Variants in MBNL2 observed in about 807,000 individuals in gnomAD.
The protein encoded by MBNL2 is muscleblind-like protein 2.
MBNL2 carries 17 observed loss-of-function variants against 41.9 expected under a neutral mutation model. The ratio of observed to expected loss-of-function variants is 0.41; its 90% CI spans 0.28 to 0.61. The LOEUF (loss-of-function observed/expected upper bound fraction) is 0.61, where lower values mean the gene tolerates loss of function less well. Among genes scored for constraint, MBNL2 ranks in the 20% least tolerant of loss-of-function variants. The pLI, the probability that MBNL2 is intolerant of heterozygous loss-of-function variation, is 0.35. For synonymous variants in MBNL2, 195 were observed against 182.9 expected (o/e 1.07, Z -0.53); for missense variants, 336 against 505.6 (o/e 0.66, Z 3.22).
chr13:97,214,372 G>A, the MBNL2 span, among the ~76,000 whole-genome samples: 1 of 152,112 alleles, frequency 6.6e-6, no homozygotes, highest in Non-Finnish European at 1.5e-5. Flanking sequence ...TACTCATCCT[G>A]TACCATATTT....
chr13:97,272,186 G>GT (rs958946521), intron 1 of MBNL2, among the ~76,000 whole-genome samples: 3 of 151,982 alleles, frequency 2.0e-5, no homozygotes, highest in Admixed American at 6.6e-5. Context: ...GTGATGTTGA[G>GT]TTTTTTTTCA....
intron 1 of MBNL2, among the ~76,000 whole-genome samples, chr13:97,274,115 G>A (rs757831761): frequency 3.9e-5 from 6 of 152,274 alleles, no homozygotes; most frequent in South Asian, 2.1e-4. Flanking sequence ...AAGGAAGCTC[G>A]TCTGGCTTGA....
chr13:97,372,051 C>G (rs2064436410), intron 8 of MBNL2, among the ~76,000 whole-genome samples: 1 of 152,284 alleles, frequency 6.6e-6, no homozygotes, highest in South Asian at 2.1e-4. Flanking sequence ...GGTGTAGAGT[C>G]AATGCATATT....
At chr13:97,168,723 G>T in the MBNL2 span, among the ~76,000 whole-genome samples, 6 of 152,134 alleles carry the variant, frequency 3.9e-5, no homozygotes, top group African/African-American at 1.2e-4. Context: ...AATCACTCAG[G>T]GTCCCAATTT....
intron 1 of MBNL2, among the ~76,000 whole-genome samples, chr13:97,261,062 T>C (rs2048524701): frequency 6.6e-6 from 1 of 151,788 alleles, no homozygotes; most frequent in African/African-American, 2.4e-5. Context: ...CCTCCAACAC[T>C]GTCCAGCACC....
rs57062849 is a variant in MBNL2, at chr13:97,286,715, C to T, written c.174+10306C>T. 7.3e-3 allele frequency among the ~76,000 whole-genome samples: 1,105 copies of T among 152,334 alleles called. 14 individuals are homozygous for T. The highest frequency in any genetic ancestry group is 0.025 in the African/African-American group (1,033 of 41,584). The stretch of plus-strand genomic sequence containing the variant: ...CAGCCACATTGGCCTGTTTATTCTT[C>T]AGGGCCTTGGCACTGGCTGTTCCCT... On this transcript the variant is annotated intron_variant, in intron 2 of 8. Coordinates refer to ENST00000679496, the MANE Select transcript of MBNL2 (RefSeq NM_001382683.1).
the MBNL2 span, among the ~76,000 whole-genome samples, chr13:97,195,387 C>G: frequency 6.6e-6 from 1 of 152,152 alleles, no homozygotes; most frequent in Non-Finnish European, 1.5e-5. Flanking sequence ...CAACCCTGCT[C>G]TCCTGTAGAC....
chr13:97,292,490 T>C (rs1429819828), intron 2 of MBNL2, among the ~76,000 whole-genome samples: 1 of 152,226 alleles, frequency 6.6e-6, no homozygotes. Flanking sequence ...TGGTTCGTCT[T>C]GAGATTGGCT....
intron 1 of MBNL2, among the ~76,000 whole-genome samples, chr13:97,269,572 A>T (rs1352957738): frequency 1.3e-5 from 2 of 152,296 alleles, no homozygotes; most frequent in East Asian, 3.9e-4. Context: ...TGGTGCTACC[A>T]GAGTATTCCA....
the MBNL2 span, among the ~76,000 whole-genome samples, chr13:97,167,574 T>A: frequency 6.6e-6 from 1 of 152,232 alleles, no homozygotes; most frequent in Non-Finnish European, 1.5e-5. Flanking sequence ...ATTGGACTTA[T>A]CCATTATATT....
chr13:97,149,162 A>G, the MBNL2 span, among the ~76,000 whole-genome samples: 1 of 152,184 alleles, frequency 6.6e-6, no homozygotes, highest in East Asian at 1.9e-4. Flanking sequence ...TGATAGGACA[A>G]GATTCAGCCT....
intron 2 of MBNL2, among the ~76,000 whole-genome samples, chr13:97,282,539 G>C (rs111730956): frequency 6.6e-6 from 1 of 152,114 alleles, no homozygotes; most frequent in East Asian, 1.9e-4. Flanking sequence ...CTAAATCTCT[G>C]TAACAAAAAT....
rs915467839 is a variant in MBNL2, at chr13:97,343,201, G to C, written c.525G>C (p.Arg175Ser). 4.4e-6 allele frequency: 7 copies of C among 1,605,406 alleles called. No homozygotes were observed. Among genetic ancestry groups the C allele is most frequent in the Non-Finnish European group, 6.0e-6 (7 of 1,175,684 alleles). ...CAACTGCAACTCAGAAACTTCTCAG[G>C]ACTGACAAACTGGAGGTACTTCAAT... Reference protein sequence around the residue: ...PGSTATQKLLRTDKLEVCREF... With the variant: ...PGSTATQKLLSTDKLEVCREF... Residue 175 changes from arginine to serine, a missense_variant, in exon 4 of 9, where the codon AGG becomes AGC. Transcript: ENST00000679496.
chr13:97,153,444 A>G, the MBNL2 span, among the ~76,000 whole-genome samples: 44 of 152,266 alleles, frequency 2.9e-4, 1 homozygote, highest in East Asian at 7.7e-3. Context: ...GTACATGTAG[A>G]TATAATCCAA....
intron 4 of MBNL2, among the ~76,000 whole-genome samples, chr13:97,343,837 G>A (rs9584554): frequency 0.3 from 45,188 of 152,104 alleles, 6,947 homozygotes; most frequent in African/African-American, 0.35. Flanking sequence ...ACGTAGTTTC[G>A]CTCTTGTTGC....
rs532683712 is a variant in MBNL2, at chr13:97,330,621, A to G, written c.175-3655A>G. On this transcript the variant is annotated intron_variant, in intron 2 of 8. Transcript: ENST00000679496. ...TTTGACACCTCTGTTTTGTTTCACAATGATACACAAAGACGCTTTACGCTT... is the reference window on the plus strand; with the variant it reads ...TTTGACACCTCTGTTTTGTTTCACAGTGATACACAAAGACGCTTTACGCTT... Among the ~76,000 whole-genome samples the G allele has an allele frequency of 7.9e-5, 12 of 152,346 alleles. No individual in the cohort carries two copies. The East Asian group carries it at 1.2e-3, about 15-fold the overall frequency.
chr13:97,275,104 G>A (rs1178371819), intron 1 of MBNL2, among the ~76,000 whole-genome samples: 1 of 152,142 alleles, frequency 6.6e-6, no homozygotes, highest in Non-Finnish European at 1.5e-5. Flanking sequence ...TGGAGAGGAA[G>A]TATTAAGATA....
chr13:97,264,776 G>A (rs1415298138), intron 1 of MBNL2, among the ~76,000 whole-genome samples: 7 of 152,198 alleles, frequency 4.6e-5, no homozygotes, highest in African/African-American at 1.7e-4. Context: ...AAAGACAAAG[G>A]TCAGCTGAAA....
chr13:97,197,336 C>T, the MBNL2 span, among the ~76,000 whole-genome samples: 2 of 152,160 alleles, frequency 1.3e-5, no homozygotes, highest in Non-Finnish European at 2.9e-5. Flanking sequence ...GCAATAGATT[C>T]ATATTTTTGT....
Sources: gnomAD v4.1 joint callset for allele counts (sites outside exome capture counted in the v4.1 genomes callset) on GRCh38, gnomAD v4.1.1 for gene constraint, MANE v1.5 for transcripts, NCBI Gene and HGNC (gene_info 2026-07-23, HGNC 2026-07-21) for gene names.